Variants in CD96 observed in about 807,000 individuals in gnomAD.
The protein encoded by CD96 is CD96 molecule.
CD96 carries 70 observed loss-of-function variants against 71.3 expected under a neutral mutation model. The observed-to-expected ratio is 0.98, with a 90% CI of 0.81 to 1.20. CD96 has a LOEUF of 1.20. Among genes scored for constraint, CD96 ranks in the 50% most tolerant of loss-of-function variants. CD96 has a pLI of 0.00. For synonymous variants in CD96, 248 were observed against 233.0 expected (o/e 1.06, Z -0.59); for missense variants, 742 against 677.5 (o/e 1.10, Z -1.06).
At chr3:111,627,435 C>G (rs1938827247) in intron 10 of CD96, among the ~76,000 whole-genome samples, 2 of 152,216 alleles carry the variant, frequency 1.3e-5, no homozygotes. Context: ...TTCCTCCTCA[C>G]TGGGAGGGTC....
At chr3:111,554,181 C>T (rs1283702804) in intron 2 of CD96, among the ~76,000 whole-genome samples, 1 of 151,676 alleles carries the variant, frequency 6.6e-6, no homozygotes, top group African/African-American at 2.4e-5. Flanking sequence ...TCTCTAATGC[C>T]TTCTTCTATA....
chr3:111,639,209 G>C (rs1440323320), intron 12 of CD96, among the ~76,000 whole-genome samples: 2 of 152,150 alleles, frequency 1.3e-5, no homozygotes. Flanking sequence ...AAATACTCTG[G>C]GAGGTGGATA....
chr3:111,555,779 G>C (rs1472797332), intron 2 of CD96, among the ~76,000 whole-genome samples: 1 of 152,302 alleles, frequency 6.6e-6, no homozygotes, highest in Non-Finnish European at 1.5e-5. Flanking sequence ...TGGATGTGTA[G>C]ATTAATTTTA....
intron 7 of CD96, among the ~76,000 whole-genome samples, chr3:111,602,895 C>T (rs1369316301): frequency 6.6e-6 from 1 of 152,126 alleles, no homozygotes; most frequent in Non-Finnish European, 1.5e-5. Flanking sequence ...AAGTTTTGCT[C>T]TCTTTGATCC....
intron 5 of CD96, among the ~76,000 whole-genome samples, chr3:111,596,678 T>C (rs1937275438): frequency 6.6e-6 from 1 of 152,250 alleles, no homozygotes; most frequent in Non-Finnish European, 1.5e-5. Flanking sequence ...TGTCTCTTCC[T>C]GGACCAACTG....
chr3:111,585,290 G>T lies in CD96; in HGVS notation c.752-33G>T, dbSNP rs750938817. Reference sequence around the variant, plus strand: ...CTAGTGGCCAGGTAGGATGACATTTGGTGCCACTAACTATGTTTTATTTGC... The same window carrying T: ...CTAGTGGCCAGGTAGGATGACATTTTGTGCCACTAACTATGTTTTATTTGC... On this transcript the variant is annotated intron_variant, in intron 4 of 13. Coordinates refer to ENST00000352690, the MANE Select transcript of CD96 (RefSeq NM_005816.5). The T allele has an allele frequency of 8.9e-6, 13 of 1,456,572 alleles. No individual in the cohort carries two copies. The African/African-American group carries it at 1.8e-4, about 20-fold the overall frequency. The allele number at this position is 1,456,572 out of a possible 1,614,324, so 90.2% of individuals were successfully genotyped here.
intron 14 of CD96, among the ~76,000 whole-genome samples, chr3:111,659,617 C>T (rs1209775941): frequency 6.6e-6 from 1 of 152,076 alleles, no homozygotes; most frequent in Non-Finnish European, 1.5e-5. Flanking sequence ...GGAGGAAGTT[C>T]TTTAATTTCC....
At chr3:111,625,745 A>G (rs1938719256) in intron 10 of CD96, among the ~76,000 whole-genome samples, 1 of 152,182 alleles carries the variant, frequency 6.6e-6, no homozygotes, top group South Asian at 2.1e-4. Flanking sequence ...CATAAAAAAT[A>G]TGTAAAAATT....
rs145401508 is a variant in CD96, at chr3:111,562,678, C to A, written c.419-4845C>A. Among the ~76,000 whole-genome samples the A allele has an allele frequency of 4.6e-3, 695 of 152,336 alleles. 6 individuals are homozygous for A. Among genetic ancestry groups the A allele is most frequent in the African/African-American group, 0.016 (656 of 41,570 alleles). On this transcript the variant is annotated intron_variant, in intron 2 of 13. Coordinates refer to ENST00000352690, the MANE Select transcript of CD96 (RefSeq NM_005816.5). ...ATCCATTAGGCTTCCTCTCTTTATG[C>A]ATAGATTTGTGTGTCAATCAGGGAG...
intron 13 of CD96, among the ~76,000 whole-genome samples, chr3:111,648,613 G>A (rs1271210427): frequency 1.3e-5 from 2 of 152,142 alleles, no homozygotes; most frequent in Admixed American, 1.3e-4. Flanking sequence ...TCTAAAAATT[G>A]GGTAATAGGG....
At chr3:111,590,686 GAA>G (rs2107617432) in intron 5 of CD96, among the ~76,000 whole-genome samples, 1 of 152,292 alleles carries the variant, frequency 6.6e-6, no homozygotes, top group Admixed American at 6.5e-5. Context: ...ACTACAATGA[GAA>G]AAGAGTCTTT....
intron 10 of CD96, among the ~76,000 whole-genome samples, chr3:111,633,511 A>C (rs1939174229): frequency 2.0e-5 from 3 of 152,234 alleles, no homozygotes; most frequent in African/African-American, 7.2e-5. Flanking sequence ...TTTGTAAAAA[A>C]ATAAAAATAA....
intron 1 of CD96, among the ~76,000 whole-genome samples, chr3:111,542,864 C>T (rs1485737485): frequency 6.6e-6 from 1 of 152,154 alleles, no homozygotes; most frequent in African/African-American, 2.4e-5. Context: ...GGAACGAGAG[C>T]CTAATGGGCC....
intron 12 of CD96, among the ~76,000 whole-genome samples, chr3:111,640,131 A>C (rs1386536707): frequency 1.3e-5 from 2 of 152,204 alleles, no homozygotes; most frequent in East Asian, 3.9e-4. Flanking sequence ...AACCAAGAAG[A>C]AATCCCTGAT....
At chr3:111,644,122 T>C (rs1432778418) in intron 12 of CD96, among the ~76,000 whole-genome samples, 1 of 152,188 alleles carries the variant, frequency 6.6e-6, no homozygotes, top group African/African-American at 2.4e-5. Context: ...AGCATGCTAC[T>C]GGTATAAAAT....
At chr3:111,654,742 T>TA (rs1320008551), downstream of CD96, among the ~76,000 whole-genome samples, 1 of 152,198 alleles carries the variant, frequency 6.6e-6, no homozygotes, top group African/African-American at 2.4e-5. Flanking sequence ...GCCACAAACT[T>TA]ATGCACATTT....
At chr3:111,572,439 A>T (rs1390031544) in intron 3 of CD96, among the ~76,000 whole-genome samples, 1 of 152,236 alleles carries the variant, frequency 6.6e-6, no homozygotes, top group East Asian at 1.9e-4. Flanking sequence ...TACAACTCTT[A>T]GTATCATAAT....
chr3:111,608,967 T>C (rs1038437874), intron 8 of CD96, among the ~76,000 whole-genome samples: 3 of 152,204 alleles, frequency 2.0e-5, no homozygotes, highest in Non-Finnish European at 4.4e-5. Flanking sequence ...AGAATTAAAA[T>C]GCCCAGGGAG....
intron 2 of CD96, among the ~76,000 whole-genome samples, chr3:111,555,594 C>A (rs914401700): frequency 6.6e-6 from 1 of 152,294 alleles, no homozygotes. Context: ...ATGGGATGAG[C>A]TTTTGTTTTT....
Sources: allele counts gnomAD v4.1 joint callset (sites outside exome capture counted in the v4.1 genomes callset), GRCh38; gene constraint gnomAD v4.1.1; transcripts MANE v1.5; gene names NCBI Gene and HGNC (gene_info 2026-07-23, HGNC 2026-07-21).